ZNF302: variants seen among roughly 807,000 people sequenced by gnomAD.
The protein encoded by ZNF302 is zinc finger protein 327.
Under a neutral mutation model 10.8 loss-of-function variants are expected in ZNF302, and 12 were observed. The observed-to-expected ratio is 1.11, with a 90% CI of 0.71 to 1.79. The LOEUF is 1.79. Ranked by LOEUF, ZNF302 falls within the 40% of genes most tolerant of loss-of-function variation. ZNF302 has a pLI of 0.00. For synonymous variants in ZNF302, 178 were observed against 157.5 expected, an observed-to-expected ratio of 1.13 and a Z score of -0.98; for missense variants, 461 against 471.1, an observed-to-expected ratio of 0.98 and a Z score of 0.20.
chr19:34,683,320 A>G, intron 4 of ZNF302, 82 bp downstream of exon 4: 1 of 1,507,072 alleles, frequency 6.6e-7, no homozygotes, highest in Non-Finnish European at 9.2e-7. Flanking sequence ...GAAGCATTTT[A>G]GGGATACTGT....
chr19:34,677,521 G>C (rs2290655), upstream of ZNF302: 55,354 of 152,276 alleles, frequency 0.36, 10,382 homozygotes, highest in African/African-American at 0.44. Context: ...TACTTACAAA[G>C]CCGTGACCGG....
rs1053258551 is a variant in ZNF302 at position 34,685,731 on chromosome 19, C to T, written c.*494C>T. ...GGAAAAGTTGTATGAAGGTGGTGAA[C>T]ATGGGAGACTTTTAGCAATGATGCA... On this transcript the variant is annotated 3_prime_UTR_variant, in exon 5 of 5. Coordinates refer to ENST00000505242, the MANE Select transcript of ZNF302 (RefSeq NM_001289187.2). 6 of 607,454 alleles carry T rather than the reference C, an allele frequency of 9.9e-6. No homozygotes were observed. Among genetic ancestry groups the T allele is most frequent in the African/African-American group, 9.1e-5 (5 of 54,704 alleles). 37.6% of individuals were successfully genotyped at this position (607,454 alleles called of 1,614,324 possible).
In ZNF302 at chr19:34,682,770, A is replaced by G. The variant is rs759265993; in HGVS notation, c.10-7A>G. 6 of 1,613,282 alleles carry G rather than the reference A, an allele frequency of 3.7e-6. No homozygotes were observed. In the South Asian group the frequency reaches 4.4e-5, roughly 12 times the overall value. On this transcript the variant is annotated splice_polypyrimidine_tract_variant and splice_region_variant and intron_variant, in intron 2 of 4. Coordinates refer to ENST00000505242, the MANE Select transcript of ZNF302 (RefSeq NM_001289187.2). The stretch of plus-strand genomic sequence containing the variant: ...ATGGCTGAGCCTAAATATATTTGCT[A>G]TTTCAGGTGACATTTAGTGATGTGG...
Position 34,685,883 on chromosome 19 carries a change from G to A in ZNF302, c.*646G>A, listed in dbSNP as rs2068634131. The A allele has an allele frequency of 4.7e-6, 1 of 213,716 alleles. No individual in the cohort carries two copies. The highest frequency in any genetic ancestry group is 5.2e-5 in the Admixed American group (1 of 19,192). 13.2% of individuals were successfully genotyped at this position (213,716 alleles called of 1,614,324 possible). ...CACACTAGGAAAAATCTGTGTACATGTAGCAAATGTGGGAAAGACTATAGG... is the reference window on the plus strand; with the variant it reads ...CACACTAGGAAAAATCTGTGTACATATAGCAAATGTGGGAAAGACTATAGG... On this transcript the variant is annotated 3_prime_UTR_variant, in exon 5 of 5. Transcript: ENST00000505242.
intron 2 of ZNF302, among the ~76,000 whole-genome samples, chr19:34,679,428 TCTAA>T (rs1271921534): frequency 5.3e-5 from 8 of 152,196 alleles, no homozygotes; most frequent in Non-Finnish European, 7.3e-5. Context: ...TTTCAGTGGT[TCTAA>T]CTGAGTCACT....
intron 2 of ZNF302, among the ~76,000 whole-genome samples, chr19:34,680,248 A>C (rs1250796885): frequency 6.6e-6 from 1 of 152,206 alleles, no homozygotes; most frequent in East Asian, 1.9e-4. Flanking sequence ...TCTTCTAAAC[A>C]CTTATGAAGT....
At position 34,684,761 on chromosome 19, in the gene ZNF302, T is replaced by G; in HGVS notation, c.724T>G (p.Ser242Ala). Residue 242 changes from serine to alanine, a missense_variant, in exon 5 of 5, where the codon TCA becomes GCA. Ser to Ala is a moderately conservative substitution (Grantham distance 99). Transcript: ENST00000505242. ...ATGTGGGAAGACTTTTAGCCATGGT[T>G]CATCCCTTACACGACATCAGATAAG... ...RECGKTFSHG[S>A]SLTRHQISHS... 1 of 1,614,034 alleles carries G rather than the reference T, an allele frequency of 6.2e-7. No homozygotes were observed. Among genetic ancestry groups the G allele is most frequent in the Non-Finnish European group, 8.5e-7 (1 of 1,179,906 alleles).
chr19:34,685,133 A>G lies in ZNF302; in HGVS notation c.1096A>G (p.Lys366Glu), dbSNP rs762803446. 16 of 1,611,306 alleles carry G rather than the reference A, an allele frequency of 9.9e-6. No homozygotes were observed. The East Asian group carries it at 1.1e-4, about 11-fold the overall frequency. Residue 366 changes from lysine (K) to glutamate (E), a missense_variant, in exon 5 of 5, where the codon AAG becomes GAG. Physicochemically the swap from Lys to Glu is moderately conservative, Grantham distance 56. Transcript: ENST00000505242. ...LTQHQRIHSM[K>E]KKYECNKCLK... Reference sequence around the variant, plus strand: ...TCAACATCAAAGAATTCACAGTATGAAGAAAAAATATGAATGCAACAAATG... The same window carrying G: ...TCAACATCAAAGAATTCACAGTATGGAGAAAAAATATGAATGCAACAAATG...
chr19:34,684,652 A>C lies in ZNF302; in HGVS notation c.615A>C (p.Glu205Asp). The C allele has an allele frequency of 1.2e-6, 2 of 1,614,022 alleles. No individual in the cohort carries two copies. The highest frequency in any genetic ancestry group is 1.7e-6 in the Non-Finnish European group (2 of 1,179,876). ...CNREKIYTCS[E>D]CGKAFGKQSI... The stretch of plus-strand genomic sequence containing the variant: ...GAGAGAAAATCTATACATGCAGTGA[A>C]TGTGGGAAAGCCTTTGGCAAACAGT... Residue 205 changes from glutamate to aspartate, a missense_variant, in exon 5 of 5, where the codon GAA (glutamate) becomes GAC (aspartate). Physicochemically the swap from Glu to Asp is conservative, Grantham distance 45. Transcript: ENST00000505242.
upstream of ZNF302, chr19:34,676,282 C>G (rs1304018953): frequency 6.6e-6 from 1 of 152,238 alleles, no homozygotes; most frequent in Non-Finnish European, 1.5e-5. Context: ...AGAAGCCCAG[C>G]TGGCTTCACC....
chr19:34,684,543 G>A lies in ZNF302; in HGVS notation c.506G>A (p.Gly169Asp). ...GTTATAAAAAGTGAGAGAATAAATG[G>A]TGGAAAGAAACTTTTAAATTCTAAT... ...KSVIKSERIN[G>D]GKKLLNSNKS... Residue 169 changes from glycine to aspartate, a missense_variant, in exon 5 of 5, where the codon GGT becomes GAT. Physicochemically the swap from Gly to Asp is moderately conservative, Grantham distance 94. Transcript: ENST00000505242. The A allele has an allele frequency of 1.9e-6, 3 of 1,613,512 alleles. No homozygotes were observed. Among genetic ancestry groups the A allele is most frequent in the Non-Finnish European group, 2.5e-6 (3 of 1,179,654 alleles).
Position 34,685,627 on chromosome 19 carries a change from C to G in ZNF302, c.*390C>G, listed in dbSNP as rs543571540. ...ATCCCTATACATGTGAGAAATCTTA[C>G]AGAAGAGAAGCAGTGTTTATCACGG... On this transcript the variant is annotated 3_prime_UTR_variant, in exon 5 of 5. Coordinates refer to ENST00000505242, the MANE Select transcript of ZNF302 (RefSeq NM_001289187.2). The G allele has an allele frequency of 2.7e-4, 278 of 1,023,038 alleles. 1 individual carries two copies. The African/African-American group carries it at 4.0e-3, about 15-fold the overall frequency. The allele number at this position is 1,023,038 out of a possible 1,614,324, so 63.4% of individuals were successfully genotyped here.
Position 34,682,768 on chromosome 19 carries a change from C to G in ZNF302, c.10-9C>G, listed in dbSNP as rs1203344045. The G allele has an allele frequency of 6.2e-7, 1 of 1,613,150 alleles. No homozygotes were observed. Among genetic ancestry groups the G allele is most frequent in the East Asian group, 2.2e-5 (1 of 44,868 alleles). On this transcript the variant is annotated splice_polypyrimidine_tract_variant and intron_variant, in intron 2 of 4. Coordinates refer to ENST00000505242, the MANE Select transcript of ZNF302 (RefSeq NM_001289187.2). ...CTATGGCTGAGCCTAAATATATTTG[C>G]TATTTCAGGTGACATTTAGTGATGT...
At chr19:34,683,134 C>A in intron 3 of ZNF302, 21 bp from the exon 4 acceptor site, 1 of 1,613,852 alleles carries the variant, frequency 6.2e-7, no homozygotes, top group Non-Finnish European at 8.5e-7. Context: ...TTAAACAATT[C>A]TATATTTTTC....
In ZNF302 at chr19:34,685,639, A is replaced by C; in HGVS notation, c.*402A>C. ...GTGAGAAATCTTACAGAAGAGAAGC[A>C]GTGTTTATCACGGTAAACTTCATTC... On this transcript the variant is annotated 3_prime_UTR_variant, in exon 5 of 5. Coordinates refer to ENST00000505242, the MANE Select transcript of ZNF302 (RefSeq NM_001289187.2). The C allele has an allele frequency of 2.1e-6, 2 of 941,532 alleles. 1 individual carries two copies. The allele number at this position is 941,532 out of a possible 1,614,324, so 58.3% of individuals were successfully genotyped here. A position where few individuals can be genotyped will look rare whatever the true frequency, so the allele number is the denominator to read the frequency against.
chr19:34,679,973 G>T (rs1167918180), intron 2 of ZNF302: 6 of 701,836 alleles, frequency 8.5e-6, no homozygotes, highest in Non-Finnish European at 1.0e-5. Context: ...AGTAGCAGAT[G>T]TACATCTTGG....
At chr19:34,678,905 G>A (rs2068170235) in intron 2 of ZNF302, 92 bp downstream of exon 2, 1 of 1,471,474 alleles carries the variant, frequency 6.8e-7, no homozygotes, top group African/African-American at 1.4e-5. Context: ...ACCTAATCAA[G>A]TCCATTTAAG....
Position 34,685,717 on chromosome 19 carries a change from A to G in ZNF302, c.*480A>G, listed in dbSNP as rs907351831. ...AAAATGTATACTGGGGAAAAGTTGT[A>G]TGAAGGTGGTGAACATGGGAGACTT... On this transcript the variant is annotated 3_prime_UTR_variant, in exon 5 of 5. Transcript: ENST00000505242. The G allele has an allele frequency of 1.1e-5, 7 of 645,462 alleles. No homozygotes were observed. The highest frequency in any genetic ancestry group is 1.8e-5 in the African/African-American group (1 of 55,404). 40.0% of individuals were successfully genotyped at this position (645,462 alleles called of 1,614,324 possible).
At position 34,685,690 on chromosome 19, in the gene ZNF302, G is replaced by GAAA. The variant is rs2145367535; in HGVS notation, c.*456_*458dup. On this transcript the variant is annotated 3_prime_UTR_variant, in exon 5 of 5. Transcript: ENST00000505242. ...ATAGATCCTCCCTTATTTAACATCA[G>GAAA]AAAAATGTATACTGGGGAAAAGTTG... The GAAA allele has an allele frequency of 2.8e-6, 2 of 703,874 alleles. No homozygotes were observed. The highest frequency in any genetic ancestry group is 5.0e-5 in the East Asian group (2 of 40,364). The allele number at this position is 703,874 out of a possible 1,614,324, so 43.6% of individuals were successfully genotyped here. A position where few individuals can be genotyped will look rare whatever the true frequency, so the allele number is the denominator to read the frequency against.
Sources: gnomAD v4.1 joint callset for allele counts (sites outside exome capture counted in the v4.1 genomes callset) on GRCh38, gnomAD v4.1.1 for gene constraint, MANE v1.5 for transcripts, NCBI Gene and HGNC (gene_info 2026-07-23, HGNC 2026-07-21) for gene names.